The following PEX11G variants were observed in gnomAD, a reference collection of about 807,000 sequenced individuals.
The protein encoded by PEX11G is peroxisomal biogenesis factor 11 gamma, also known as peroxisomal membrane protein 11C.
PEX11G carries 20 observed loss-of-function variants against 22.5 expected under a neutral mutation model. The ratio of observed to expected loss-of-function variants is 0.89; its 90% CI spans 0.62 to 1.29. The LOEUF is 1.29. Among genes scored for constraint, PEX11G ranks in the 50% most tolerant of loss-of-function variants. PEX11G has a pLI of 0.00. For synonymous variants in PEX11G, 141 were observed against 154.5 expected, an observed-to-expected ratio of 0.91 and a Z score of 0.65; for missense variants, 347 against 331.3, an observed-to-expected ratio of 1.05 and a Z score of -0.37.
At chr19:7,493,583 G>T (rs1016910168), upstream of PEX11G, among the ~76,000 whole-genome samples, 1 of 151,702 alleles carries the variant, frequency 6.6e-6, no homozygotes, top group Non-Finnish European at 1.5e-5. Context: ...TAGCACCACT[G>T]CTGCATTGAA....
At chr19:7,489,346 A>G (rs2021822645), upstream of PEX11G, 1 of 1,108,574 alleles carries the variant, frequency 9.0e-7, no homozygotes, top group Non-Finnish European at 1.1e-6. Context: ...AAAACCACCA[A>G]CCTGTTCGCA....
chr19:7,493,619 C>T (rs554542515), upstream of PEX11G, among the ~76,000 whole-genome samples: 8 of 152,098 alleles, frequency 5.3e-5, no homozygotes, highest in African/African-American at 1.9e-4. Context: ...GATCCTCCAT[C>T]CTCAGCCTCC....
At position 7,484,539 on chromosome 19, in the gene PEX11G, G is replaced by A. The variant is rs958679021; in HGVS notation, c.249+1299C>T. Among the ~76,000 whole-genome samples, 3 of 152,170 alleles carry A rather than the reference G, an allele frequency of 2.0e-5. No individual in the cohort carries two copies. In the South Asian group the frequency reaches 6.2e-4, roughly 32 times the overall value. Reference sequence around the variant, plus strand: ...TGTAATCCCAGCAGTTTGGGAGGCTGAGGCAGGTGGATCACTTGAGGTCAA... The same window carrying A: ...TGTAATCCCAGCAGTTTGGGAGGCTAAGGCAGGTGGATCACTTGAGGTCAA... On this transcript the variant is annotated intron_variant, in intron 2 of 4. Coordinates refer to ENST00000221480, the MANE Select transcript of PEX11G (RefSeq NM_080662.4).
chr19:7,493,041 C>T (rs1178448562), upstream of PEX11G: 2 of 152,230 alleles, frequency 1.3e-5, no homozygotes, highest in African/African-American at 2.4e-5. Flanking sequence ...TGGCTATATC[C>T]GCACAGCCTG....
intron 3 of PEX11G, among the ~76,000 whole-genome samples, chr19:7,479,674 C>T (rs1910350019): frequency 6.6e-6 from 1 of 152,236 alleles, no homozygotes; most frequent in African/African-American, 2.4e-5. Flanking sequence ...ATGCCCGAAA[C>T]AAGAATGCCG....
At chr19:7,478,275 G>A (rs780222551) in intron 4 of PEX11G, 39 bp downstream of exon 4, 7 of 1,599,380 alleles carry the variant, frequency 4.4e-6, no homozygotes, top group South Asian at 3.4e-5. Context: ...GCCTGCTGGA[G>A]GGAGTGGGCC....
chr19:7,483,983 G>C (rs1977628753), intron 2 of PEX11G, among the ~76,000 whole-genome samples: 1 of 148,788 alleles, frequency 6.7e-6, no homozygotes, highest in Non-Finnish European at 1.5e-5. Context: ...GCGTCAACCA[G>C]AGGCCAATTA....
chr19:7,485,928 G>A lies in PEX11G; in HGVS notation c.159C>T (p.Ser53=), dbSNP rs748443977. The part of the protein sequence containing the change: ...SEVGTRLLVV[S]TQLSHCRTIL... ...TGGTCCTGCAGTGGCTGAGTTGGGTGGACACCACCAACAGACGTGTCCCCA... is the reference window on the plus strand; with the variant it reads ...TGGTCCTGCAGTGGCTGAGTTGGGTAGACACCACCAACAGACGTGTCCCCA... Residue 53 remains serine, a synonymous_variant, in exon 2 of 5, where the codon TCC becomes TCT. Transcript: ENST00000221480. 6.8e-6 allele frequency: 11 copies of A among 1,613,728 alleles called. No homozygotes were observed. The Admixed American group carries it at 1.5e-4, about 22-fold the overall frequency.
In PEX11G at chr19:7,485,751, G is replaced by T. The variant is rs549316889; in HGVS notation, c.249+87C>A. ...CACAAAGTGCTGGGATTACAAGCAT[G>T]AGCCACTGTGAGGGGCCAAAAAATT... On this transcript the variant is annotated intron_variant, in intron 2 of 4. Transcript: ENST00000221480. 52 of 1,216,242 alleles carry T rather than the reference G, an allele frequency of 4.3e-5. No individual in the cohort carries two copies. In the African/African-American group the frequency reaches 7.3e-4, roughly 17 times the overall value. The allele number at this position is 1,216,242 out of a possible 1,614,324, so 75.3% of individuals were successfully genotyped here.
At chr19:7,486,136 CT>C (rs143738237) in intron 1 of PEX11G, 110 bp from the exon 2 acceptor site, 47,679 of 839,944 alleles carry the variant, frequency 0.057, 2,310 homozygotes, top group African/African-American at 0.25. Context: ...GGAAGATTCT[CT>C]TTTTTTTTTG....
intron 1 of PEX11G, among the ~76,000 whole-genome samples, chr19:7,487,034 G>A (rs189568457): frequency 4.0e-5 from 6 of 151,336 alleles, no homozygotes; most frequent in South Asian, 2.1e-4. Context: ...GCAACAGGGC[G>A]AGACCCTGTC....
chr19:7,491,386 C>A (rs529071204), upstream of PEX11G, among the ~76,000 whole-genome samples: 1 of 151,114 alleles, frequency 6.6e-6, no homozygotes, highest in South Asian at 2.1e-4. Flanking sequence ...TCTCCTGCCT[C>A]GGCCTCCCAA....
chr19:7,481,935 C>T, intron 3 of PEX11G, 98 bp downstream of exon 3: 1 of 1,234,208 alleles, frequency 8.1e-7, no homozygotes, highest in Non-Finnish European at 1.1e-6. Context: ...AGACCCACCG[C>T]AGTCTGAAGC....
rs79709096 is a variant in PEX11G, at chr19:7,484,982, G to A, written c.249+856C>T. ...TTTTTAAAAGTAATAAACTACCCAC[G>A]CAGGGAGCACTTTGGGACAAGACTA... is the stretch of plus-strand genomic sequence containing the variant. On this transcript the variant is annotated intron_variant, in intron 2 of 4. Coordinates refer to ENST00000221480, the MANE Select transcript of PEX11G (RefSeq NM_080662.4). Among the ~76,000 whole-genome samples the A allele has an allele frequency of 9.7e-4, 148 of 152,194 alleles. 2 individuals are homozygous for A. The East Asian group carries it at 0.017, about 18-fold the overall frequency.
At chr19:7,480,663 A>C (rs1182114962) in intron 3 of PEX11G, among the ~76,000 whole-genome samples, 1 of 152,200 alleles carries the variant, frequency 6.6e-6, no homozygotes, top group African/African-American at 2.4e-5. Flanking sequence ...GCATGTAATT[A>C]GGACATCTGT....
At chr19:7,494,666 GAGCTGGCCTGGTGTTCAC>G (rs1342522217) in intron 1 of PEX11G, among the ~76,000 whole-genome samples, 1 of 152,160 alleles carries the variant, frequency 6.6e-6, no homozygotes, top group Non-Finnish European at 1.5e-5. Context: ...AAAGACACAG[GAGCTGGCCTGGTGTTCAC>G]AGCTGGCCTT....
At chr19:7,489,458 C>T (rs982578033), upstream of PEX11G, 1 of 993,046 alleles carries the variant, frequency 1.0e-6, no homozygotes, top group Admixed American at 6.1e-5. Context: ...AATATCACAA[C>T]AAGGCATCTT....
upstream of PEX11G, chr19:7,493,204 T>C (rs1311653920): frequency 6.6e-6 from 1 of 152,148 alleles, no homozygotes; most frequent in Non-Finnish European, 1.5e-5. Context: ...CTTTCTGTTT[T>C]TGTTTTTAAA....
At chr19:7,491,848 C>T (rs563712792), upstream of PEX11G, among the ~76,000 whole-genome samples, 2 of 151,664 alleles carry the variant, frequency 1.3e-5, no homozygotes, top group Admixed American at 6.6e-5. Context: ...TGTAGAGATG[C>T]GGTCTCGCTA....
Sources: allele counts gnomAD v4.1 joint callset (sites outside exome capture counted in the v4.1 genomes callset), GRCh38; gene constraint gnomAD v4.1.1; transcripts MANE v1.5; gene names NCBI Gene and HGNC (gene_info 2026-07-23, HGNC 2026-07-21).